RCC2: variants seen among roughly 807,000 people sequenced by gnomAD.
RCC2 encodes protein RCC2.
In RCC2, 19 loss-of-function variants were observed where a neutral mutation model predicts 64.1. That is an observed-to-expected ratio of 0.30 (90% CI 0.21 to 0.44). The LOEUF (loss-of-function observed/expected upper bound fraction) is 0.44. Among genes scored for constraint, RCC2 ranks in the 20% least tolerant of loss-of-function variants. RCC2 has a pLI of 1.00. For missense variants in RCC2, 508 were observed against 710.4 expected (o/e 0.72, Z 3.24); for synonymous variants, 325 against 279.6 (o/e 1.16, Z -1.62).
rs946649316 is a variant in RCC2 at position 17,420,646 on chromosome 1, C to T, written c.859+68G>A. The T allele has an allele frequency of 4.0e-6, 4 of 1,010,048 alleles. No individual in the cohort carries two copies. The African/African-American group carries it at 6.5e-5, about 16-fold the overall frequency. 62.6% of individuals were successfully genotyped at this position (1,010,048 alleles called of 1,614,324 possible). A position where few individuals can be genotyped will look rare whatever the true frequency, so the allele number is the denominator to read the frequency against. On this transcript the variant is annotated intron_variant, in intron 7 of 12. Coordinates refer to ENST00000375436, the MANE Select transcript of RCC2 (RefSeq NM_018715.4). ...CATTTCTAACACGTGTGTGCAGCCC[C>T]ACACTGATCTCTAGTTCTGAATATA...
At chr1:17,412,064 G>T in intron 11 of RCC2, 58 bp downstream of exon 11, 1 of 1,484,126 alleles carries the variant, frequency 6.7e-7, no homozygotes, top group Non-Finnish European at 9.4e-7. Context: ...GAACCCAAAG[G>T]CCATGAGCCA....
rs909421052 is a variant in RCC2 at position 17,406,776 on chromosome 1, GTTGT to G, written c.*2310_*2313del. 15 of 152,122 alleles carry G rather than the reference GTTGT, an allele frequency of 9.9e-5. No homozygotes were observed. Among genetic ancestry groups the G allele is most frequent in the South Asian group, 6.2e-4 (3 of 4,812 alleles). 9.4% of individuals were successfully genotyped at this position (152,122 alleles called of 1,614,324 possible). ...AAAATCCAAGACAGTAGACAATGTT[GTTGT>G]TTATTTAAAATGTTTACTCCAAGAA... On this transcript the variant is annotated 3_prime_UTR_variant, in exon 13 of 13. Transcript: ENST00000375436.
At chr1:17,425,902 C>CT (rs2075610527) in intron 3 of RCC2, among the ~76,000 whole-genome samples, 2 of 152,214 alleles carry the variant, frequency 1.3e-5, no homozygotes. Context: ...TACCCAGAAG[C>CT]TGGCACAGGC....
At chr1:17,418,929 G>A (rs996795036) in intron 7 of RCC2, among the ~76,000 whole-genome samples, 1 of 152,188 alleles carries the variant, frequency 6.6e-6, no homozygotes, top group Non-Finnish European at 1.5e-5. Flanking sequence ...TTTGGTGACT[G>A]CTTTTTCCAC....
intron 2 of RCC2, among the ~76,000 whole-genome samples, chr1:17,432,133 G>A (rs1443298123): frequency 6.6e-6 from 1 of 152,102 alleles, no homozygotes; most frequent in Non-Finnish European, 1.5e-5. Flanking sequence ...GAAACAACAC[G>A]GAAAGGGAGA....
intron 7 of RCC2, among the ~76,000 whole-genome samples, chr1:17,418,581 C>T (rs548218524): frequency 1.3e-5 from 2 of 151,592 alleles, no homozygotes; most frequent in Non-Finnish European, 1.5e-5. Context: ...CGCTTGAACC[C>T]GGGAGGCGGA....
chr1:17,438,323 G>A lies in RCC2; in HGVS notation c.192C>T (p.Gly64=), dbSNP rs1330709846. 6.4e-6 allele frequency: 8 copies of A among 1,240,802 alleles called. No homozygotes were observed. The highest frequency in any genetic ancestry group is 4.8e-5 in the African/African-American group (3 of 62,310). 76.9% of individuals were successfully genotyped at this position (1,240,802 alleles called of 1,614,324 possible). The change falls in exon 2 of 13, where the codon GGC becomes GGT. Residue 64 remains glycine (G), a synonymous_variant. Transcript: ENST00000375436. ...EDGLELDGAP[G]GGKRAARPAT... is the part of the protein sequence containing the mutation. ...CCGGCCGCGCCGCGCGCTTGCCCCC[G>A]CCGGGGGCCCCGTCGAGCTCCAGGC...
chr1:17,437,493 C>T (rs1216727832), intron 2 of RCC2, among the ~76,000 whole-genome samples: 20 of 152,190 alleles, frequency 1.3e-4, no homozygotes, highest in Admixed American at 1.2e-3. Flanking sequence ...TCAGCCACGA[C>T]CTTAATTAAG....
intron 3 of RCC2, among the ~76,000 whole-genome samples, chr1:17,427,296 G>A (rs2075626990): frequency 6.6e-6 from 1 of 152,160 alleles, no homozygotes; most frequent in South Asian, 2.1e-4. Context: ...TTCAGGTGTG[G>A]GGGCAAGTGG....
In RCC2 at chr1:17,431,579, T is replaced by C. The variant is rs2526825; in HGVS notation, c.286-2380A>G. Among the ~76,000 whole-genome samples, 121 of 147,162 alleles carry C rather than the reference T, an allele frequency of 8.2e-4. 2 individuals carry two copies. Among genetic ancestry groups the C allele is most frequent in the African/African-American group, 2.8e-3 (110 of 39,898 alleles). On this transcript the variant is annotated intron_variant, in intron 2 of 12. Coordinates refer to ENST00000375436, the MANE Select transcript of RCC2 (RefSeq NM_018715.4). ...GGCCCAATCATTCTAACCTCTACAG[T>C]GTGATCACCCCATGGGTATGCTTTG... is the stretch of plus-strand genomic sequence containing the variant.
At chr1:17,430,236 G>A (rs968430880) in intron 2 of RCC2, among the ~76,000 whole-genome samples, 1 of 152,192 alleles carries the variant, frequency 6.6e-6, no homozygotes, top group South Asian at 2.1e-4. Flanking sequence ...AAAAAGTCTG[G>A]CAAGGCGCAA....
intron 11 of RCC2, among the ~76,000 whole-genome samples, chr1:17,411,800 T>G (rs995879124): frequency 6.6e-6 from 1 of 152,124 alleles, no homozygotes; most frequent in African/African-American, 2.4e-5. Context: ...GACTTAGGCC[T>G]CCAGGGGAGA....
Position 17,407,226 on chromosome 1 carries a change from C to T in RCC2, c.*1864G>A, listed in dbSNP as rs1472371687. 6.6e-6 allele frequency: 1 copy of T among 152,036 alleles called. No individual in the cohort carries two copies. The highest frequency in any genetic ancestry group is 1.5e-5 in the Non-Finnish European group (1 of 68,036). 9.4% of individuals were successfully genotyped at this position (152,036 alleles called of 1,614,324 possible). A position where few individuals can be genotyped will look rare whatever the true frequency, so the allele number is the denominator to read the frequency against. The stretch of plus-strand genomic sequence containing the variant: ...AAGTCCAGCTAAGCCCAGGGAGGCT[C>T]CTGCAAAGGCTGGGACCTCGGGTGC... On this transcript the variant is annotated 3_prime_UTR_variant, in exon 13 of 13. Transcript: ENST00000375436.
chr1:17,431,345 A>AAAATAAAAAAAAAT (rs1557633331), intron 2 of RCC2, among the ~76,000 whole-genome samples: 1 of 45,150 alleles, frequency 2.2e-5, no homozygotes, highest in East Asian at 5.5e-4. Flanking sequence ...AAAAAAAAAA[A>AAAATAAAAAAAAAT]AAAAAAAAAA....
chr1:17,409,198 G>C lies in RCC2; in HGVS notation c.1465-4C>G. 2.5e-6 allele frequency: 4 copies of C among 1,602,296 alleles called. No individual in the cohort carries two copies. Among genetic ancestry groups the C allele is most frequent in the Non-Finnish European group, 3.4e-6 (4 of 1,169,180 alleles). On this transcript the variant is annotated splice_polypyrimidine_tract_variant and splice_region_variant and intron_variant, in intron 12 of 12. Transcript: ENST00000375436. ...AGTGTGAGTAGCCCATGGCGACCTG[G>C]GGGGACAAATCAGCGTTGGGTGTGC...
chr1:17,427,168 G>A (rs549507051), intron 3 of RCC2, among the ~76,000 whole-genome samples: 101 of 152,328 alleles, frequency 6.6e-4, no homozygotes, highest in Non-Finnish European at 1.1e-3. Context: ...ATCCAATGTA[G>A]GAACTGATAA....
intron 7 of RCC2, among the ~76,000 whole-genome samples, chr1:17,417,407 C>G (rs1203828750): frequency 6.6e-6 from 1 of 152,324 alleles, no homozygotes; most frequent in Middle Eastern, 3.4e-3. Context: ...GTGGGCCACG[C>G]CTGGAATCCC....
chr1:17,437,745 C>G (rs865990700), intron 2 of RCC2, among the ~76,000 whole-genome samples: 3 of 1,554 alleles, frequency 1.9e-3, no homozygotes, highest in Non-Finnish European at 4.8e-3. Flanking sequence ...CTCAAAGCCC[C>G]GGCGCAAACG....
chr1:17,422,247 G>C lies in RCC2; in HGVS notation c.700C>G (p.Leu234Val), dbSNP rs113904239. Residue 234 changes from leucine to valine, a missense_variant, in exon 6 of 13, where the codon CTG becomes GTG. This residue lies in a region of RCC2 where 132 missense variants were observed against 207.3 expected (regional missense o/e 0.64). Transcript: ENST00000375436. Reference protein sequence around the residue: ...FAFGENKMGQLGLGNQTDAVP... With the variant: ...FAFGENKMGQVGLGNQTDAVP... The stretch of plus-strand genomic sequence containing the variant: ...GCGTCTGTCTGGTTGCCAAGGCCCA[G>C]CTGCCCCATCTTGTTTTCCCCAAAC... 2 of 1,612,234 alleles carry C rather than the reference G, an allele frequency of 1.2e-6. No individual in the cohort carries two copies. Among genetic ancestry groups the C allele is most frequent in the Non-Finnish European group, 1.7e-6 (2 of 1,179,872 alleles).
Sources: gnomAD v4.1 joint callset for allele counts (sites outside exome capture counted in the v4.1 genomes callset) on GRCh38, gnomAD v4.1.1 for gene constraint, gnomAD v4.1.1 regional missense constraint, MANE v1.5 for transcripts, NCBI Gene and HGNC (gene_info 2026-07-23, HGNC 2026-07-21) for gene names.